Variants in TPTE2 observed in about 807,000 individuals in gnomAD.
The protein encoded by TPTE2 is transmembrane phosphoinositide 3-phosphatase and tensin homolog 2, also known as phosphatidylinositol 3,4,5-trisphosphate 3-phosphatase TPTE2.
TPTE2 carries 53 observed loss-of-function variants against 78.6 expected under a neutral mutation model. The ratio of observed to expected loss-of-function variants is 0.67; its 90% CI spans 0.54 to 0.85. TPTE2 has a LOEUF of 0.85. Ranked by LOEUF, TPTE2 falls within the 40% of genes least tolerant of loss-of-function variation. The pLI, the probability that TPTE2 is intolerant of heterozygous loss-of-function variation, is 0.00. For synonymous variants in TPTE2, 175 were observed against 206.2 expected (o/e 0.85, Z 1.30); for missense variants, 461 against 623.0 (o/e 0.74, Z 2.77).
chr13:19,460,359 G>T (rs1198156800), intron 10 of TPTE2, among the ~76,000 whole-genome samples: 3 of 152,240 alleles, frequency 2.0e-5, no homozygotes, highest in Non-Finnish European at 4.4e-5. Context: ...CTGCCTGCTT[G>T]TCTTCATTCT....
chr13:19,456,571 AC>A (rs1344909738), intron 10 of TPTE2, among the ~76,000 whole-genome samples: 1 of 152,194 alleles, frequency 6.6e-6, no homozygotes, highest in African/African-American at 2.4e-5. Flanking sequence ...TAGCACAAAA[AC>A]TTATCAACTA....
At chr13:19,550,862 T>C in the TPTE2 span, among the ~76,000 whole-genome samples, 942 of 152,108 alleles carry the variant, frequency 6.2e-3, 5 homozygotes, top group Non-Finnish European at 8.9e-3. Context: ...GTGGCGCAAT[T>C]TTGGCTGCAA....
chr13:19,462,772 T>C (rs1293534233), intron 10 of TPTE2, among the ~76,000 whole-genome samples: 1 of 152,100 alleles, frequency 6.6e-6, no homozygotes, highest in Non-Finnish European at 1.5e-5. Flanking sequence ...CTTGAACTCC[T>C]GGCCTCAAGT....
chr13:19,475,002 A>G (rs1272007664), intron 5 of TPTE2, among the ~76,000 whole-genome samples: 1 of 152,204 alleles, frequency 6.6e-6, no homozygotes, highest in Non-Finnish European at 1.5e-5. Context: ...CAATATTAAT[A>G]TGTTACTATT....
At chr13:19,498,454 C>T (rs1233867873) in intron 1 of TPTE2, among the ~76,000 whole-genome samples, 1 of 152,128 alleles carries the variant, frequency 6.6e-6, no homozygotes, top group Non-Finnish European at 1.5e-5. Context: ...GATCTCTCGG[C>T]AGAAACCCTA....
intron 19 of TPTE2, 80 bp from the exon 23 acceptor site, chr13:19,423,244 G>A (rs1477930669): frequency 6.4e-6 from 7 of 1,098,248 alleles, no homozygotes; most frequent in Admixed American, 3.2e-5. Context: ...CGTTAGAGCT[G>A]GAAGAAACAA....
chr13:19,468,823 G>C (rs1219483478), intron 6 of TPTE2, among the ~76,000 whole-genome samples: 2 of 152,168 alleles, frequency 1.3e-5, no homozygotes, highest in South Asian at 4.1e-4. Flanking sequence ...GTTTTCTTCT[G>C]AGAAATGCCT....
chr13:19,544,061 A>AAAAAAG, the TPTE2 span, among the ~76,000 whole-genome samples: 1 of 41,014 alleles, frequency 2.4e-5, no homozygotes, highest in African/African-American at 8.7e-5. Context: ...AACCTGTCTC[A>AAAAAAG]AAAAAAAAAA....
At chr13:19,434,707 G>A (rs4499098) in intron 15 of TPTE2, among the ~76,000 whole-genome samples, 94,415 of 151,992 alleles carry the variant, frequency 0.62, 33,635 homozygotes, top group East Asian at 0.9. Context: ...TTCTTCTAAC[G>A]GGGCCAAGAG....
rs1336201424 is a variant in TPTE2, at chr13:19,535,080, T to C, written c.-44+1516A>G. 1.3e-5 allele frequency among the ~76,000 whole-genome samples: 2 copies of C among 152,000 alleles called. No homozygotes were observed. Among genetic ancestry groups the C allele is most frequent in the Non-Finnish European group, 2.9e-5 (2 of 68,010 alleles). On this transcript the variant is annotated intron_variant, in intron 1 of 17. Coordinates refer to the TPTE2 transcript ENST00000390680. This position sits in a 1 kb window ranked among gnomAD's most constrained non-coding sequence, Gnocchi z 5.1. ...TTAGCCAGGCGTGGTGGCGGGCACA[T>C]GCAGTCCCAGCTACTCAGGAGGCTG...
intron 5 of TPTE2, among the ~76,000 whole-genome samples, chr13:19,474,722 C>G (rs981839137): frequency 2.0e-5 from 3 of 152,160 alleles, no homozygotes; most frequent in Non-Finnish European, 4.4e-5. Context: ...TTGCCTAATC[C>G]ATAAAGATGA....
chr13:19,529,104 A>G (rs1206671117), intron 1 of TPTE2, among the ~76,000 whole-genome samples: 1 of 152,198 alleles, frequency 6.6e-6, no homozygotes, highest in African/African-American at 2.4e-5. Flanking sequence ...TGGGCAACAC[A>G]GCAAGAATCT....
At chr13:19,517,535 T>C (rs1465782928) in intron 1 of TPTE2, among the ~76,000 whole-genome samples, 2 of 152,126 alleles carry the variant, frequency 1.3e-5, no homozygotes, top group Non-Finnish European at 2.9e-5. Context: ...GACCACCATC[T>C]AGTTCCCCCG....
chr13:19,441,824 G>A (rs1169022021), intron 13 of TPTE2, among the ~76,000 whole-genome samples: 1 of 152,194 alleles, frequency 6.6e-6, no homozygotes, highest in African/African-American at 2.4e-5. Flanking sequence ...AGTCAGTGTA[G>A]TAAGTAAATC....
At chr13:19,439,133 T>TA (rs748694709) in intron 13 of TPTE2, among the ~76,000 whole-genome samples, 47 of 152,238 alleles carry the variant, frequency 3.1e-4, no homozygotes, top group Non-Finnish European at 6.0e-4. Context: ...CCAATCCCCC[T>TA]ACCCCTAGGG....
chr13:19,561,090 C>G, the TPTE2 span: 2 of 1,591,070 alleles, frequency 1.3e-6, no homozygotes, highest in African/African-American at 2.7e-5. Flanking sequence ...CCAGCCCCCT[C>G]CCCATCCTCC....
intron 1 of TPTE2, among the ~76,000 whole-genome samples, chr13:19,498,524 C>G (rs1055498552): frequency 3.3e-5 from 5 of 151,792 alleles, no homozygotes; most frequent in African/African-American, 9.7e-5. Context: ...ATTTTCAACC[C>G]AGAATTTCAT....
At chr13:19,456,759 T>C (rs1464642633) in intron 10 of TPTE2, among the ~76,000 whole-genome samples, 6 of 152,194 alleles carry the variant, frequency 3.9e-5, no homozygotes, top group Non-Finnish European at 8.8e-5. Context: ...GTCAAAATAC[T>C]AACAAGGTGT....
intron 3 of TPTE2, among the ~76,000 whole-genome samples, chr13:19,482,865 G>A (rs1393018883): frequency 2.0e-5 from 3 of 151,052 alleles, no homozygotes; most frequent in Admixed American, 1.3e-4. Context: ...AATAATATAG[G>A]TATAGACATA....
Sources: allele counts gnomAD v4.1 joint callset (sites outside exome capture counted in the v4.1 genomes callset), GRCh38; gene constraint gnomAD v4.1.1; non-coding constraint Gnocchi (gnomAD v3.1); transcripts MANE v1.5; gene names NCBI Gene and HGNC (gene_info 2026-07-23, HGNC 2026-07-21).